Variants in PCDH15 observed in about 807,000 individuals in gnomAD.
PCDH15 encodes protocadherin-15.
In PCDH15, 129 loss-of-function variants were observed where a neutral mutation model predicts 178.5. The ratio of observed to expected loss-of-function variants is 0.72; its 90% confidence interval spans 0.63 to 0.84. The LOEUF is 0.84. PCDH15 is among the 40% of genes least tolerant of loss of function. The pLI, the probability that PCDH15 is intolerant of heterozygous loss-of-function variation, is 0.00. For synonymous variants in PCDH15, 800 were observed against 732.0 expected, an observed-to-expected ratio of 1.09 and a Z score of -1.50; for missense variants, 2,230 against 2,099.9, an observed-to-expected ratio of 1.06 and a Z score of -1.21.
At chr10:55,192,934 T>C (rs921220620) in intron 1 of PCDH15, among the ~76,000 whole-genome samples, 1 of 150,986 alleles carries the variant, frequency 6.6e-6, no homozygotes, top group Admixed American at 6.6e-5. Context: ...AAAAAATAGA[T>C]ATAAAATATG....
intron 3 of PCDH15, among the ~76,000 whole-genome samples, chr10:54,459,302 T>A (rs964344236): frequency 2.0e-5 from 3 of 152,118 alleles, no homozygotes; most frequent in Admixed American, 2.0e-4. Flanking sequence ...TAAAAGTACA[T>A]ATAGCTCATG....
At chr10:54,826,797 T>C (rs1953139410) in intron 3 of PCDH15, among the ~76,000 whole-genome samples, 1 of 152,010 alleles carries the variant, frequency 6.6e-6, no homozygotes, top group Non-Finnish European at 1.5e-5. Context: ...AAAGATGGGC[T>C]AATATATACC....
chr10:54,288,410 G>A (rs775867973), intron 8 of PCDH15, among the ~76,000 whole-genome samples: 2 of 152,134 alleles, frequency 1.3e-5, no homozygotes, highest in Non-Finnish European at 2.9e-5. Context: ...CAATGAAGAT[G>A]GCTGAATAGG....
chr10:55,423,764 A>C (rs927625166), intron 2 of PCDH15, among the ~76,000 whole-genome samples: 22 of 152,108 alleles, frequency 1.4e-4, no homozygotes, highest in Admixed American at 9.8e-4. Flanking sequence ...AGGACAGATA[A>C]TAAGATTTTA....
intron 2 of PCDH15, among the ~76,000 whole-genome samples, chr10:55,097,713 T>C (rs1031309118): frequency 1.3e-5 from 2 of 151,904 alleles, no homozygotes; most frequent in African/African-American, 2.4e-5. Context: ...GAGAGACAGA[T>C]AGATAGATAG....
chr10:54,024,064 T>C (rs1281942847), intron 18 of PCDH15, among the ~76,000 whole-genome samples: 1 of 152,174 alleles, frequency 6.6e-6, no homozygotes, highest in Non-Finnish European at 1.5e-5. Flanking sequence ...TAAGAATGTT[T>C]GATACCATAA....
chr10:55,412,879 T>TGA (rs1838376779), intron 2 of PCDH15, among the ~76,000 whole-genome samples: 1 of 134,744 alleles, frequency 7.4e-6, no homozygotes, highest in African/African-American at 2.7e-5. Context: ...TCAACAATAA[T>TGA]CACACACACA....
At chr10:54,318,847 C>T (rs183486856) in intron 7 of PCDH15, among the ~76,000 whole-genome samples, 264 of 152,270 alleles carry the variant, frequency 1.7e-3, no homozygotes, top group African/African-American at 5.7e-3. Context: ...CTGTTGTTAA[C>T]TTCATCACCT....
chr10:54,938,641 C>T (rs908644400), intron 2 of PCDH15, among the ~76,000 whole-genome samples: 1 of 151,984 alleles, frequency 6.6e-6, no homozygotes, highest in Non-Finnish European at 1.5e-5. Flanking sequence ...GATCATTCTG[C>T]AAAAATGTTC....
At chr10:54,496,488 T>G (rs969600715) in intron 3 of PCDH15, among the ~76,000 whole-genome samples, 1 of 152,136 alleles carries the variant, frequency 6.6e-6, no homozygotes, top group African/African-American at 2.4e-5. Flanking sequence ...CTAGGACATT[T>G]GTGATAGCAT....
chr10:54,518,335 A>G (rs1235867026), intron 3 of PCDH15, among the ~76,000 whole-genome samples: 3 of 151,758 alleles, frequency 2.0e-5, no homozygotes, highest in Non-Finnish European at 4.4e-5. Context: ...AAAGAAAAAA[A>G]GAGAGAAGAA....
At chr10:54,323,986 C>G (rs1564965836) in intron 7 of PCDH15, among the ~76,000 whole-genome samples, 1 of 152,052 alleles carries the variant, frequency 6.6e-6, no homozygotes. Flanking sequence ...GCCCCAAATG[C>G]TCATGTATCT....
intron 3 of PCDH15, among the ~76,000 whole-genome samples, chr10:54,453,577 C>T (rs528562092): frequency 1.3e-5 from 2 of 151,636 alleles, no homozygotes; most frequent in East Asian, 3.9e-4. Flanking sequence ...ATGGGTGCAG[C>T]ACACCAACAT....
intron 3 of PCDH15, among the ~76,000 whole-genome samples, chr10:54,435,165 C>G (rs747297758): frequency 1.3e-5 from 2 of 152,156 alleles, no homozygotes; most frequent in African/African-American, 2.4e-5. Context: ...TCCCTTCTAT[C>G]TTCCCAGTCC....
intron 2 of PCDH15, among the ~76,000 whole-genome samples, chr10:54,975,411 T>A (rs1005280334): frequency 6.6e-6 from 1 of 152,226 alleles, no homozygotes; most frequent in Non-Finnish European, 1.5e-5. Flanking sequence ...AAGGACTTAA[T>A]ATTTTATTGA....
intron 2 of PCDH15, among the ~76,000 whole-genome samples, chr10:55,570,673 T>C (rs935607437): frequency 5.3e-5 from 8 of 152,080 alleles, no homozygotes; most frequent in Admixed American, 6.6e-5. Context: ...CAGTGATTTA[T>C]ACTATACTGC....
At chr10:54,729,639 T>C (rs1943069313) in intron 1 of PCDH15, among the ~76,000 whole-genome samples, 1 of 151,634 alleles carries the variant, frequency 6.6e-6, no homozygotes, top group South Asian at 2.1e-4. Context: ...GGATAAAATA[T>C]TTGTAAACTA....
At chr10:55,573,521 T>C (rs891874213) in intron 2 of PCDH15, among the ~76,000 whole-genome samples, 18 of 152,264 alleles carry the variant, frequency 1.2e-4, no homozygotes, top group Non-Finnish European at 1.6e-4. Flanking sequence ...GGGAATTCTG[T>C]CATTTGCAAC....
At chr10:54,006,658 T>C (rs2092396071) in intron 20 of PCDH15, among the ~76,000 whole-genome samples, 1 of 152,202 alleles carries the variant, frequency 6.6e-6, no homozygotes, top group African/African-American at 2.4e-5. Flanking sequence ...TCACAAATGC[T>C]GCCTTGGTAC....
Sources: allele counts gnomAD v4.1 joint callset (sites outside exome capture counted in the v4.1 genomes callset), GRCh38; gene constraint gnomAD v4.1.1; transcripts MANE v1.5; gene names NCBI Gene and HGNC (gene_info 2026-07-23, HGNC 2026-07-21).